The following LSG1 variants were observed in gnomAD, a reference collection of about 807,000 sequenced individuals.
LSG1 encodes the protein large 60S subunit nuclear export GTPase 1.
LSG1 carries 55 observed loss-of-function variants against 82.6 expected under a neutral mutation model. The ratio of observed to expected loss-of-function variants is 0.67; its 90% CI spans 0.54 to 0.83. The LOEUF is 0.83. LSG1 is among the 40% of genes least tolerant of loss of function. The pLI is 0.00. For synonymous variants in LSG1, 272 were observed against 282.5 expected (o/e 0.96, Z 0.37); for missense variants, 809 against 807.9 (o/e 1.00, Z -0.02).
intron 2 of LSG1, among the ~76,000 whole-genome samples, chr3:194,667,087 CAG>C (rs1719045181): frequency 6.6e-6 from 1 of 151,492 alleles, no homozygotes; most frequent in African/African-American, 2.4e-5. Context: ...TTTTTTGAGA[CAG>C]AGTCTCACTC....
At chr3:194,658,384 T>C (rs1048837119) in intron 7 of LSG1, among the ~76,000 whole-genome samples, 9 of 152,156 alleles carry the variant, frequency 5.9e-5, no homozygotes, top group Admixed American at 1.3e-4. Flanking sequence ...CGACCTCAGG[T>C]GATCTGCCCC....
intron 4 of LSG1, 103 bp downstream of exon 4, chr3:194,666,100 C>T: frequency 9.8e-7 from 1 of 1,023,696 alleles, no homozygotes; most frequent in Non-Finnish European, 1.5e-6. Flanking sequence ...CCATTTCCTT[C>T]TTAAAAGAAT....
At chr3:194,654,202 T>C (rs541189598) in intron 7 of LSG1, among the ~76,000 whole-genome samples, 37 of 152,338 alleles carry the variant, frequency 2.4e-4, no homozygotes, top group African/African-American at 7.5e-4. Context: ...GTGTGAAATG[T>C]GGCAGCAAAA....
chr3:194,644,862 C>T, intron 12 of LSG1, 116 bp from the exon 13 acceptor site: 1 of 766,204 alleles, frequency 1.3e-6, no homozygotes, highest in Non-Finnish European at 1.9e-6. Flanking sequence ...GTTAAGTTAG[C>T]TGAGTTGAGT....
intron 10 of LSG1, among the ~76,000 whole-genome samples, chr3:194,649,755 A>T (rs1718634230): frequency 6.6e-6 from 1 of 152,066 alleles, no homozygotes; most frequent in Non-Finnish European, 1.5e-5. Flanking sequence ...TGTGGCCTTA[A>T]GTGTAGTTAT....
chr3:194,671,599 G>GATTT (rs1719140514), intron 1 of LSG1, among the ~76,000 whole-genome samples: 1 of 152,110 alleles, frequency 6.6e-6, no homozygotes, highest in Admixed American at 6.5e-5. Context: ...AAAAATCAAT[G>GATTT]ATTTATCTTT....
intron 2 of LSG1, among the ~76,000 whole-genome samples, chr3:194,668,218 A>G (rs1257979997): frequency 6.6e-6 from 1 of 152,050 alleles, no homozygotes; most frequent in Non-Finnish European, 1.5e-5. Context: ...TTTGGTGATT[A>G]CGAATAATGC....
intron 13 of LSG1, among the ~76,000 whole-genome samples, 178 bp downstream of exon 13, chr3:194,644,389 AATAAAT>A (rs1560218814): frequency 1.1e-3 from 115 of 100,222 alleles, no homozygotes; most frequent in East Asian, 3.3e-3. Flanking sequence ...AATAAAAATA[AATAAAT>A]AAATAAATAA....
At chr3:194,654,610 C>T (rs1326739511) in intron 7 of LSG1, among the ~76,000 whole-genome samples, 1 of 152,124 alleles carries the variant, frequency 6.6e-6, no homozygotes, top group Non-Finnish European at 1.5e-5. Context: ...GTAAAGAAGT[C>T]AGTGTCGTCA....
chr3:194,662,654 C>T (rs893495107), intron 5 of LSG1, among the ~76,000 whole-genome samples: 3 of 152,056 alleles, frequency 2.0e-5, no homozygotes, highest in Non-Finnish European at 4.4e-5. Flanking sequence ...CCCAGCTACT[C>T]GGGAGGCTGA....
In LSG1 at chr3:194,644,347, C is replaced by T. The variant is rs572991799; in HGVS notation, c.1797+226G>A. Among the ~76,000 whole-genome samples the T allele has an allele frequency of 9.8e-3, 1,337 of 136,538 alleles. 18 individuals are homozygous for T. Among genetic ancestry groups the T allele is most frequent in the Admixed American group, 0.018 (218 of 12,358 alleles). The allele number at this position is 136,538 out of a possible 152,430, so 89.6% of individuals were successfully genotyped here. On this transcript the variant is annotated intron_variant, in intron 13 of 13. Coordinates refer to ENST00000265245, the MANE Select transcript of LSG1 (RefSeq NM_018385.3). ...ACTGCAGTCCGCAGTCCGGCCTGGG[C>T]GACAGAGCGAGACTCCGTCTCAAAA...
intron 7 of LSG1, among the ~76,000 whole-genome samples, chr3:194,655,562 T>C (rs1355906036): frequency 6.6e-6 from 1 of 152,184 alleles, no homozygotes; most frequent in African/African-American, 2.4e-5. Flanking sequence ...GTGTTTAGAA[T>C]AGTGGTGTCT....
chr3:194,647,088 A>G lies in LSG1; in HGVS notation c.1544-845T>C, dbSNP rs192685658. ...CGACTGGCTTTTCCAGTTTCGAAGA[A>G]AATAGTTAGAATCCTAATTTACACA... On this transcript the variant is annotated intron_variant, in intron 11 of 13. Transcript: ENST00000265245. Among the ~76,000 whole-genome samples, 416 of 151,246 alleles carry G rather than the reference A, an allele frequency of 2.8e-3. 2 individuals are homozygous for G. The highest frequency in any genetic ancestry group is 9.8e-3 in the African/African-American group (403 of 41,142).
At chr3:194,653,185 T>G in intron 7 of LSG1, 43 bp from the exon 8 acceptor site, 1 of 1,555,206 alleles carries the variant, frequency 6.4e-7, no homozygotes, top group Non-Finnish European at 8.8e-7. Context: ...TAACTGCAGT[T>G]TCCACTCTAG....
Position 194,665,618 on chromosome 3 carries a change from A to G in LSG1, c.460T>C (p.Leu154=), listed in dbSNP as rs779180454. Reference sequence around the variant, plus strand: ...TCCAAATTTCGTTCAAATGGAGTCAATATCAGCTTCTGTTCCTCTTCTAGC... The same window carrying G: ...TCCAAATTTCGTTCAAATGGAGTCAGTATCAGCTTCTGTTCCTCTTCTAGC... ...VRLEEEQKLI[L]TPFERNLDFW... The change falls in exon 5 of 14, where the codon TTG becomes CTG. Residue 154 remains leucine, a synonymous_variant. Transcript: ENST00000265245. 44 of 1,613,024 alleles carry G rather than the reference A, an allele frequency of 2.7e-5. No homozygotes were observed. In the East Asian group the frequency reaches 5.4e-4, roughly 20 times the overall value.
intron 5 of LSG1, among the ~76,000 whole-genome samples, chr3:194,664,543 C>T (rs1041752446): frequency 9.2e-5 from 14 of 152,078 alleles, no homozygotes; most frequent in Admixed American, 7.9e-4. Context: ...TTCTCCTTAG[C>T]ATTACATGAA....
At chr3:194,657,693 C>G (rs1472879599) in intron 7 of LSG1, among the ~76,000 whole-genome samples, 2 of 151,966 alleles carry the variant, frequency 1.3e-5, no homozygotes, top group Non-Finnish European at 2.9e-5. Flanking sequence ...AAGACAGGCA[C>G]CCAGGATGGG....
At chr3:194,670,157 T>G in intron 1 of LSG1, 22 bp from the exon 2 acceptor site, 1 of 1,612,216 alleles carries the variant, frequency 6.2e-7, no homozygotes, top group Non-Finnish European at 8.5e-7. Flanking sequence ...CACAGGGTGA[T>G]AAATACAGCT....
intron 7 of LSG1, among the ~76,000 whole-genome samples, chr3:194,656,845 G>A (rs1363966522): frequency 1.3e-5 from 2 of 152,180 alleles, no homozygotes; most frequent in Admixed American, 6.5e-5. Context: ...CATGTCCTTT[G>A]TAGGGACGTG....
Sources: gnomAD v4.1 joint callset for allele counts (sites outside exome capture counted in the v4.1 genomes callset) on GRCh38, gnomAD v4.1.1 for gene constraint, MANE v1.5 for transcripts, NCBI Gene and HGNC (gene_info 2026-07-23, HGNC 2026-07-21) for gene names.